Variants in DRICH1 observed in about 807,000 individuals in gnomAD.
The protein encoded by DRICH1 is aspartate-rich protein 1.
A neutral mutation model predicts 39.5 loss-of-function variants in DRICH1; 38 were observed. That is an observed-to-expected ratio of 0.96 (90% CI 0.74 to 1.26). The LOEUF is 1.26. DRICH1 is among the 50% of genes most tolerant of loss of function. DRICH1 has a pLI of 0.00. For missense variants in DRICH1, 279 were observed against 270.4 expected (o/e 1.03, Z -0.22); for synonymous variants, 84 against 99.5 (o/e 0.84, Z 0.93).
chr22:23,601,014 T>C, the DRICH1 span, among the ~76,000 whole-genome samples: 182 of 152,272 alleles, frequency 1.2e-3, no homozygotes, highest in African/African-American at 3.9e-3. Flanking sequence ...TCAAGCAAAC[T>C]CTACTCCTAG....
chr22:23,605,623 T>G (rs1926683720), downstream of DRICH1, among the ~76,000 whole-genome samples: 1 of 150,642 alleles, frequency 6.6e-6, no homozygotes, highest in African/African-American at 2.4e-5. Flanking sequence ...CCTGCCTCCA[T>G]TCCCACCCCT....
intron 3 of DRICH1, among the ~76,000 whole-genome samples, chr22:23,622,857 C>T (rs1159902643): frequency 6.6e-6 from 1 of 152,216 alleles, no homozygotes; most frequent in East Asian, 1.9e-4. Context: ...TTCATTCAAA[C>T]AGGCCAAGCT....
chr22:23,602,576 G>T, the DRICH1 span, among the ~76,000 whole-genome samples: 11,487 of 151,592 alleles, frequency 0.076, 882 homozygotes, highest in African/African-American at 0.2. Context: ...TTCCAGCTAC[G>T]CGAGAGGCTG....
Position 23,620,511 on chromosome 22 carries a change from T to C in DRICH1, c.406+83A>G, listed in dbSNP as rs114748459. ...GCTCTCACCACACCCCCAATATTTT[T>C]AACAGGAACCCAGATTAAGGTTCCT... On this transcript the variant is annotated intron_variant, in intron 5 of 11. Transcript: ENST00000317749. The C allele has an allele frequency of 1.5e-4, 222 of 1,471,912 alleles. No individual in the cohort carries two copies. In the African/African-American group the frequency reaches 2.9e-3, roughly 19 times the overall value. 91.2% of individuals were successfully genotyped at this position (1,471,912 alleles called of 1,614,324 possible).
the DRICH1 span, among the ~76,000 whole-genome samples, chr22:23,596,471 G>T: frequency 2.0e-5 from 3 of 152,028 alleles, no homozygotes; most frequent in Non-Finnish European, 2.9e-5. Context: ...GCCCAGGCTG[G>T]TTTAAACTCC....
At chr22:23,593,691 C>T in the DRICH1 span, among the ~76,000 whole-genome samples, 189 of 66,800 alleles carry the variant, frequency 2.8e-3, no homozygotes, top group Non-Finnish European at 5.1e-3. Flanking sequence ...CCCAGCCACC[C>T]GGGAGGCTGA....
chr22:23,630,910 G>A (rs1244682009), intron 1 of DRICH1: 2 of 152,166 alleles, frequency 1.3e-5, no homozygotes, highest in Admixed American at 1.3e-4. Flanking sequence ...ATCAGCAAAG[G>A]AGTGGTCTTA....
intron 8 of DRICH1, among the ~76,000 whole-genome samples, chr22:23,616,637 C>G (rs1048052821): frequency 2.0e-5 from 3 of 152,172 alleles, no homozygotes; most frequent in Non-Finnish European, 4.4e-5. Context: ...CACTTCTACT[C>G]CAGGTGAAGA....
At chr22:23,608,824 A>T in intron 11 of DRICH1, 56 bp from the exon 12 acceptor site, 1 of 1,544,008 alleles carries the variant, frequency 6.5e-7, no homozygotes, top group Non-Finnish European at 8.8e-7. Context: ...TTTGTGCACT[A>T]TGACATCATC....
chr22:23,617,310 C>A (rs758422608), intron 7 of DRICH1, among the ~76,000 whole-genome samples: 3 of 152,150 alleles, frequency 2.0e-5, no homozygotes, highest in Non-Finnish European at 4.4e-5. Flanking sequence ...GGGAAGAAAT[C>A]AGGTGAAGGA....
chr22:23,593,638 A>G, the DRICH1 span, among the ~76,000 whole-genome samples: 1 of 152,284 alleles, frequency 6.6e-6, no homozygotes, highest in Middle Eastern at 3.4e-3. Context: ...ATCTCTACTA[A>G]GAATATAAAA....
chr22:23,621,838 CAGG>C (rs1381139292), intron 4 of DRICH1, among the ~76,000 whole-genome samples: 1 of 151,950 alleles, frequency 6.6e-6, no homozygotes, highest in Non-Finnish European at 1.5e-5. Flanking sequence ...TCATTGAGCC[CAGG>C]AGATGGAGCC....
chr22:23,620,722 T>G lies in DRICH1; in HGVS notation c.385-107A>C, dbSNP rs143442295. 2,786 of 1,324,878 alleles carry G rather than the reference T, an allele frequency of 2.1e-3. 52 individuals carry two copies. The African/African-American group carries it at 0.035, about 16-fold the overall frequency. The allele number at this position is 1,324,878 out of a possible 1,614,324, so 82.1% of individuals were successfully genotyped here. The stretch of plus-strand genomic sequence containing the variant: ...GACTTCAGAAAACTAGTTGTGAAAC[T>G]GTTGTTGAGTCAAGGTCAAAGGCCA... On this transcript the variant is annotated intron_variant, in intron 4 of 11. Transcript: ENST00000317749.
intron 11 of DRICH1, among the ~76,000 whole-genome samples, chr22:23,609,029 A>G (rs1926887687): frequency 6.6e-6 from 1 of 152,150 alleles, no homozygotes; most frequent in Admixed American, 6.5e-5. Context: ...TCCAAGGCCC[A>G]TTTACCGTTA....
chr22:23,628,576 C>A (rs533460918), intron 1 of DRICH1, among the ~76,000 whole-genome samples: 17 of 152,246 alleles, frequency 1.1e-4, no homozygotes, highest in Non-Finnish European at 2.2e-4. Flanking sequence ...CCTCAAAAAA[C>A]AGACAAACAA....
At chr22:23,616,080 G>A (rs1470952374) in intron 8 of DRICH1, among the ~76,000 whole-genome samples, 3 of 152,222 alleles carry the variant, frequency 2.0e-5, no homozygotes, top group Non-Finnish European at 1.5e-5. Context: ...AAGAGCTCTT[G>A]ATACCAGAGG....
chr22:23,608,870 C>G, intron 11 of DRICH1, 102 bp from the exon 12 acceptor site: 2 of 1,253,996 alleles, frequency 1.6e-6, no homozygotes, highest in Non-Finnish European at 2.3e-6. Flanking sequence ...TCCCTGGGCT[C>G]CCGCCTCTGC....
chr22:23,631,911 G>A lies in DRICH1; in HGVS notation c.113C>T (p.Thr38Ile), dbSNP rs1478127058. The change falls in exon 1 of 12, where the codon ACA (threonine) becomes ATA (isoleucine). Residue 38 changes from threonine to isoleucine, a missense_variant. By Grantham distance (89) the Thr-to-Ile change is moderately conservative (BLOSUM62 -1). Coordinates refer to ENST00000317749, the MANE Select transcript of DRICH1 (RefSeq NM_016449.4). ...AGGCTCTACAGTAGTGGATTCTGAT[G>A]TTGCAGCAGCCACAGTCTCATAAAT... Reference protein sequence around the residue: ...TDIYETVAAATSESTTVEPGK... With the variant: ...TDIYETVAAAISESTTVEPGK... The A allele has an allele frequency of 6.2e-7, 1 of 1,613,594 alleles. No homozygotes were observed. Among genetic ancestry groups the A allele is most frequent in the East Asian group, 2.2e-5 (1 of 44,892 alleles).
chr22:23,614,450 C>A (rs891051109), intron 8 of DRICH1, among the ~76,000 whole-genome samples: 1 of 152,134 alleles, frequency 6.6e-6, no homozygotes, highest in African/African-American at 2.4e-5. Context: ...AAAACAATCA[C>A]CCCCAAATGT....
Sources: allele counts gnomAD v4.1 joint callset (sites outside exome capture counted in the v4.1 genomes callset), GRCh38; gene constraint gnomAD v4.1.1; transcripts MANE v1.5; gene names NCBI Gene and HGNC (gene_info 2026-07-23, HGNC 2026-07-21).